SOX6: variants seen among roughly 807,000 people sequenced by gnomAD.
SOX6 encodes SRY-box transcription factor 6, also known as transcription factor SOX-6.
SOX6 carries 11 observed loss-of-function variants against 97.8 expected under a neutral mutation model. That is an observed-to-expected ratio of 0.11 (90% CI 0.07 to 0.19). The LOEUF (loss-of-function observed/expected upper bound fraction) is 0.19, where lower values mean the gene tolerates loss of function less well. Among genes scored for constraint, SOX6 ranks in the 10% least tolerant of loss-of-function variants. The pLI is 1.00. For synonymous variants in SOX6, 360 were observed against 371.4 expected (o/e 0.97, Z 0.35); for missense variants, 810 against 1,039.5 (o/e 0.78, Z 3.04).
intron 3 of SOX6, among the ~76,000 whole-genome samples, chr11:16,658,945 C>T (rs1481442668): frequency 6.6e-6 from 1 of 152,288 alleles, no homozygotes; most frequent in East Asian, 1.9e-4. Context: ...TTCAGATACA[C>T]ATCTTTATCA....
At chr11:16,498,995 A>G (rs1860656842) in intron 4 of SOX6, among the ~76,000 whole-genome samples, 1 of 152,214 alleles carries the variant, frequency 6.6e-6, no homozygotes, top group East Asian at 1.9e-4. Flanking sequence ...CCCCAAATCA[A>G]CAGAATATAC....
chr11:16,252,794 A>C (rs1460618370), intron 3 of SOX6, among the ~76,000 whole-genome samples: 2 of 152,038 alleles, frequency 1.3e-5, no homozygotes, highest in African/African-American at 2.4e-5. Flanking sequence ...GAAAATACTC[A>C]ACTCCAGCCC....
chr11:16,506,475 T>C (rs1432735961), intron 4 of SOX6, among the ~76,000 whole-genome samples: 3 of 152,196 alleles, frequency 2.0e-5, no homozygotes, highest in South Asian at 2.1e-4. Context: ...GGGACTTGCC[T>C]TGTCTCAGAT....
intron 4 of SOX6, among the ~76,000 whole-genome samples, chr11:16,187,816 G>A (rs754147932): frequency 7.2e-5 from 11 of 152,108 alleles, no homozygotes; most frequent in Non-Finnish European, 1.5e-4. Context: ...ATCCTTTTGT[G>A]AATCTAAATT....
chr11:16,616,991 A>G (rs1052473060), intron 3 of SOX6, among the ~76,000 whole-genome samples: 2 of 151,972 alleles, frequency 1.3e-5, no homozygotes, highest in Non-Finnish European at 2.9e-5. Flanking sequence ...AAGTTATTCT[A>G]TAACTTGCTA....
intron 1 of SOX6, among the ~76,000 whole-genome samples, chr11:16,452,644 G>T (rs1417241276): frequency 6.6e-6 from 1 of 152,118 alleles, no homozygotes. Context: ...TCAATGTGCT[G>T]CTATGGCCTG....
chr11:16,240,938 A>C (rs1326653908), intron 3 of SOX6, among the ~76,000 whole-genome samples: 1 of 152,010 alleles, frequency 6.6e-6, no homozygotes, highest in African/African-American at 2.4e-5. Flanking sequence ...TTGTCCCCAC[A>C]ATGTAGTATC....
At chr11:15,980,275 T>C (rs1427931564) in intron 15 of SOX6, among the ~76,000 whole-genome samples, 1 of 151,996 alleles carries the variant, frequency 6.6e-6, no homozygotes, top group Non-Finnish European at 1.5e-5. Flanking sequence ...CTTTCTAGTA[T>C]TAGGAAATGT....
At chr11:16,153,932 C>A (rs1850527749) in intron 6 of SOX6, among the ~76,000 whole-genome samples, 1 of 152,018 alleles carries the variant, frequency 6.6e-6, no homozygotes, top group Admixed American at 6.6e-5. Flanking sequence ...TAATCCTAAA[C>A]CAAGCATAAT....
At chr11:16,335,853 A>C (rs1332849002) in intron 2 of SOX6, among the ~76,000 whole-genome samples, 1 of 152,232 alleles carries the variant, frequency 6.6e-6, no homozygotes, top group Non-Finnish European at 1.5e-5. Flanking sequence ...ATTGTTTGCA[A>C]GCAAGAAGGT....
chr11:16,646,746 T>C (rs1173011903), intron 3 of SOX6, among the ~76,000 whole-genome samples: 2 of 152,218 alleles, frequency 1.3e-5, no homozygotes, highest in African/African-American at 4.8e-5. Flanking sequence ...CCTCAGTTAC[T>C]TCACTTAGAA....
intron 2 of SOX6, among the ~76,000 whole-genome samples, chr11:16,333,885 C>T (rs968618095): frequency 1.3e-5 from 2 of 152,146 alleles, no homozygotes; most frequent in African/African-American, 4.8e-5. Flanking sequence ...CCTGGCATTA[C>T]TATGAGGTAT....
At chr11:16,103,250 T>C (rs1041480453) in intron 7 of SOX6, among the ~76,000 whole-genome samples, 2 of 151,516 alleles carry the variant, frequency 1.3e-5, no homozygotes, top group African/African-American at 4.8e-5. Flanking sequence ...GATACACAAA[T>C]GGCCAATGAT....
At chr11:16,009,386 T>C (rs1428524819) in intron 13 of SOX6, among the ~76,000 whole-genome samples, 1 of 152,028 alleles carries the variant, frequency 6.6e-6, no homozygotes, top group Non-Finnish European at 1.5e-5. Context: ...AGAAAATGAC[T>C]TGTCAAGGAT....
chr11:16,603,154 C>T (rs1241320875), intron 4 of SOX6, among the ~76,000 whole-genome samples: 1 of 152,090 alleles, frequency 6.6e-6, no homozygotes, highest in African/African-American at 2.4e-5. Flanking sequence ...ATCTGAGTGG[C>T]CTAGAAACAA....
intron 3 of SOX6, among the ~76,000 whole-genome samples, chr11:16,676,039 T>C (rs1483313544): frequency 1.3e-5 from 2 of 150,264 alleles, no homozygotes; most frequent in Admixed American, 6.6e-5. Flanking sequence ...TCCTCTCTTC[T>C]GGGACTCCAA....
intron 7 of SOX6, 37 bp downstream of exon 7, chr11:16,111,766 G>T: frequency 6.2e-7 from 1 of 1,611,810 alleles, no homozygotes; most frequent in Non-Finnish European, 8.5e-7. Flanking sequence ...GCAGATCTGA[G>T]CATTTGGAAA....
intron 2 of SOX6, among the ~76,000 whole-genome samples, chr11:16,332,162 T>G (rs1304731402): frequency 1.3e-5 from 2 of 152,092 alleles, no homozygotes; most frequent in African/African-American, 2.4e-5. Flanking sequence ...ATACCAGGTA[T>G]GAAATAAATT....
At chr11:16,313,520 T>C (rs1456590497) in intron 3 of SOX6, 1 of 152,128 alleles carries the variant, frequency 6.6e-6, no homozygotes, top group Non-Finnish European at 1.5e-5. Flanking sequence ...AATGAGGAGA[T>C]GGACCTGGAA....
Sources: gnomAD v4.1 joint callset for allele counts (sites outside exome capture counted in the v4.1 genomes callset) on GRCh38, gnomAD v4.1.1 for gene constraint, MANE v1.5 for transcripts, NCBI Gene and HGNC (gene_info 2026-07-23, HGNC 2026-07-21) for gene names.